CNTN5: variants seen among roughly 807,000 people sequenced by gnomAD.
CNTN5 encodes the protein contactin 5, also known as contactin-5.
In CNTN5, 77 loss-of-function variants were observed where a neutral mutation model predicts 129.1. That is an observed-to-expected ratio of 0.60 (90% CI 0.50 to 0.72). The LOEUF (loss-of-function observed/expected upper bound fraction) is 0.72, where lower values mean the gene tolerates loss of function less well. Ranked by LOEUF, CNTN5 falls within the 30% of genes least tolerant of loss-of-function variation. The probability of loss-of-function intolerance (pLI) is 0.00; values close to 1 mark genes in which losing one functional copy is unlikely to be tolerated. For synonymous variants in CNTN5, 509 were observed against 465.6 expected (o/e 1.09, Z -1.20); for missense variants, 1,478 against 1,328.8 (o/e 1.11, Z -1.75).
chr11:99,587,472 A>C (rs576845988), intron 3 of CNTN5, among the ~76,000 whole-genome samples: 1 of 152,346 alleles, frequency 6.6e-6, no homozygotes, highest in South Asian at 2.1e-4. Flanking sequence ...ACCAGATTCA[A>C]TTACAGGATA....
intron 2 of CNTN5, among the ~76,000 whole-genome samples, chr11:99,530,621 C>G (rs1947664115): frequency 6.6e-6 from 1 of 152,156 alleles, no homozygotes; most frequent in Non-Finnish European, 1.5e-5. Flanking sequence ...CACCCAAATT[C>G]CAACTTGAAT....
intron 13 of CNTN5, among the ~76,000 whole-genome samples, chr11:100,124,822 C>A (rs1195422184): frequency 1.3e-5 from 2 of 151,964 alleles, no homozygotes; most frequent in Non-Finnish European, 2.9e-5. Flanking sequence ...AACTGTGTAC[C>A]AATAAATTGC....
chr11:99,953,781 C>T (rs983874716), intron 7 of CNTN5, among the ~76,000 whole-genome samples: 1 of 152,118 alleles, frequency 6.6e-6, no homozygotes, highest in Non-Finnish European at 1.5e-5. Flanking sequence ...AAACCAAAAG[C>T]CTATGCAGCA....
At chr11:99,270,246 T>C (rs1201766725) in intron 1 of CNTN5, among the ~76,000 whole-genome samples, 5 of 151,940 alleles carry the variant, frequency 3.3e-5, no homozygotes, top group Admixed American at 2.0e-4. Context: ...TAAGTAATTT[T>C]CAAAACCACA....
At chr11:99,232,578 T>C (rs1861058462) in intron 1 of CNTN5, among the ~76,000 whole-genome samples, 1 of 152,158 alleles carries the variant, frequency 6.6e-6, no homozygotes, top group Admixed American at 6.5e-5. Context: ...TTTCTAGATA[T>C]TGTATCATGT....
At chr11:99,903,427 A>T (rs988832945) in intron 6 of CNTN5, among the ~76,000 whole-genome samples, 1 of 152,070 alleles carries the variant, frequency 6.6e-6, no homozygotes, top group Non-Finnish European at 1.5e-5. Flanking sequence ...AAAGGGAAAA[A>T]AAAACTATTT....
chr11:100,078,592 G>A (rs186761553), intron 13 of CNTN5, among the ~76,000 whole-genome samples: 18 of 152,272 alleles, frequency 1.2e-4, no homozygotes, highest in Admixed American at 2.6e-4. Flanking sequence ...ACCAGTGTAT[G>A]AAAAGAGGAC....
At chr11:99,314,465 A>G (rs1865250147) in intron 1 of CNTN5, among the ~76,000 whole-genome samples, 1 of 152,012 alleles carries the variant, frequency 6.6e-6, no homozygotes, top group Admixed American at 6.6e-5. Context: ...AACTACTTTC[A>G]CTTGTTCGGT....
intron 3 of CNTN5, among the ~76,000 whole-genome samples, chr11:99,621,496 TTTTCA>T (rs1249168150): frequency 6.6e-6 from 1 of 151,994 alleles, no homozygotes; most frequent in Admixed American, 6.5e-5. Context: ...GAGAACACTG[TTTTCA>T]TTTCAAGAAT....
chr11:99,506,934 AT>A (rs1041143183), intron 2 of CNTN5, among the ~76,000 whole-genome samples: 2 of 152,206 alleles, frequency 1.3e-5, no homozygotes, highest in African/African-American at 4.8e-5. Flanking sequence ...ATTTAAAAAA[AT>A]ATAAAAAGTT....
chr11:99,320,218 G>A (rs1865512403), intron 1 of CNTN5, among the ~76,000 whole-genome samples: 1 of 152,102 alleles, frequency 6.6e-6, no homozygotes, highest in Non-Finnish European at 1.5e-5. Flanking sequence ...CTCTAGCCTG[G>A]GCAACAGAGC....
At chr11:99,870,768 C>T (rs968717837) in intron 6 of CNTN5, among the ~76,000 whole-genome samples, 5 of 151,756 alleles carry the variant, frequency 3.3e-5, no homozygotes, top group African/African-American at 7.3e-5. Context: ...TTCCCCTCTC[C>T]TTAAAGGATG....
At chr11:99,141,761 C>T (rs1226707890) in intron 1 of CNTN5, among the ~76,000 whole-genome samples, 1 of 152,116 alleles carries the variant, frequency 6.6e-6, no homozygotes, top group Non-Finnish European at 1.5e-5. Flanking sequence ...ACCCAATAGT[C>T]ATCCAGGAGC....
At chr11:99,827,906 T>C (rs1947017100) in intron 4 of CNTN5, among the ~76,000 whole-genome samples, 1 of 152,204 alleles carries the variant, frequency 6.6e-6, no homozygotes, top group Non-Finnish European at 1.5e-5. Context: ...ACTGTGAACA[T>C]AAAACACTAT....
At chr11:100,027,069 C>G (rs1941458855) in intron 9 of CNTN5, among the ~76,000 whole-genome samples, 1 of 151,542 alleles carries the variant, frequency 6.6e-6, no homozygotes, top group African/African-American at 2.4e-5. Context: ...AGTATTTTCT[C>G]TAGGTTTTGA....
At chr11:99,148,115 G>T (rs954203014) in intron 1 of CNTN5, among the ~76,000 whole-genome samples, 1 of 151,696 alleles carries the variant, frequency 6.6e-6, no homozygotes, top group Non-Finnish European at 1.5e-5. Context: ...TCTTTTATGC[G>T]CCCTTTAAGG....
chr11:99,237,904 T>A (rs1415524656), intron 1 of CNTN5, among the ~76,000 whole-genome samples: 1 of 152,162 alleles, frequency 6.6e-6, no homozygotes, highest in African/African-American at 2.4e-5. Flanking sequence ...CAGGAAAAAG[T>A]CAATGAAAAT....
intron 3 of CNTN5, among the ~76,000 whole-genome samples, chr11:99,606,559 G>T (rs932621029): frequency 7.1e-6 from 1 of 141,566 alleles, no homozygotes; most frequent in African/African-American, 2.6e-5. Context: ...TCCCCATCAA[G>T]CTACCAATGA....
chr11:100,232,129 G>A (rs1949504221), intron 16 of CNTN5, among the ~76,000 whole-genome samples: 1 of 152,032 alleles, frequency 6.6e-6, no homozygotes, highest in Non-Finnish European at 1.5e-5. Flanking sequence ...ACTCCAGCCT[G>A]GCCAACAGAG....
Sources: allele counts gnomAD v4.1 joint callset (sites outside exome capture counted in the v4.1 genomes callset), GRCh38; gene constraint gnomAD v4.1.1; transcripts MANE v1.5; gene names NCBI Gene and HGNC (gene_info 2026-07-23, HGNC 2026-07-21).